ASTN2: variants seen among roughly 807,000 people sequenced by gnomAD.
ASTN2 encodes the protein astrotactin-2.
A neutral mutation model predicts 139.8 loss-of-function variants in ASTN2; 54 were observed. The observed-to-expected ratio is 0.39, with a 90% CI of 0.31 to 0.48. The LOEUF (loss-of-function observed/expected upper bound fraction) is 0.48. ASTN2 is among the 20% of genes least tolerant of loss of function. ASTN2 has a pLI of 0.95. For missense variants in ASTN2, 1,565 were observed against 1,725.1 expected, an observed-to-expected ratio of 0.91 and a Z score of 1.64; for synonymous variants, 756 against 719.5, an observed-to-expected ratio of 1.05 and a Z score of -0.81.
chr9:116,788,442 G>GAAGTAGTAT (rs1830438294), intron 13 of ASTN2, among the ~76,000 whole-genome samples: 1 of 152,022 alleles, frequency 6.6e-6, no homozygotes, highest in African/African-American at 2.4e-5. Flanking sequence ...TAAATATATA[G>GAAGTAGTAT]AAGTAGTATT....
At chr9:116,636,273 A>C (rs1028571068) in intron 17 of ASTN2, among the ~76,000 whole-genome samples, 2 of 152,238 alleles carry the variant, frequency 1.3e-5, no homozygotes, top group African/African-American at 4.8e-5. Context: ...ATAAGTCTAA[A>C]AGTCTGGAAG....
At chr9:116,548,139 G>C (rs768873596) in intron 19 of ASTN2, among the ~76,000 whole-genome samples, 3 of 152,196 alleles carry the variant, frequency 2.0e-5, no homozygotes, top group African/African-American at 4.8e-5. Flanking sequence ...AGCGATTCCC[G>C]TAAGGCACTG....
Position 117,331,016 on chromosome 9 carries a change from A to G in ASTN2, c.443-39503T>C, listed in dbSNP as rs571445049. ...CCCTGTGTCCTCAGCAGTGTCCTGCAGCATGCAACACCTAAGACAGAAACA... is the reference window on the plus strand; with the variant it reads ...CCCTGTGTCCTCAGCAGTGTCCTGCGGCATGCAACACCTAAGACAGAAACA... On this transcript the variant is annotated intron_variant, in intron 1 of 22. Coordinates refer to ENST00000313400, the MANE Select transcript of ASTN2 (RefSeq NM_001365068.1). Among the ~76,000 whole-genome samples the G allele has an allele frequency of 9.8e-5, 15 of 152,316 alleles. No individual in the cohort carries two copies. In the South Asian group the frequency reaches 2.7e-3, roughly 27 times the overall value.
chr9:116,555,083 TA>T (rs1052118752), intron 19 of ASTN2, among the ~76,000 whole-genome samples: 11 of 152,202 alleles, frequency 7.2e-5, no homozygotes, highest in Admixed American at 6.5e-4. Context: ...TTAGTTTGTA[TA>T]AAGTGATACC....
rs369069938 is a variant in ASTN2, at chr9:116,828,222, G to A, written c.2041-7439C>T. 1.0e-3 allele frequency among the ~76,000 whole-genome samples: 156 copies of A among 151,816 alleles called. 3 individuals carry two copies. The East Asian group carries it at 0.025, about 24-fold the overall frequency. On this transcript the variant is annotated intron_variant, in intron 11 of 22. Coordinates refer to ENST00000313400, the MANE Select transcript of ASTN2 (RefSeq NM_001365068.1). Reference sequence around the variant, plus strand: ...TGAGGCAGGAGAATTGCTTGAACCCGGGAGGTGGAGGTTGCAGTGAGCCAA... The same window carrying A: ...TGAGGCAGGAGAATTGCTTGAACCCAGGAGGTGGAGGTTGCAGTGAGCCAA...
chr9:117,021,881 G>T (rs1837893474), intron 6 of ASTN2, among the ~76,000 whole-genome samples: 2 of 152,130 alleles, frequency 1.3e-5, no homozygotes, highest in Admixed American at 1.3e-4. Context: ...ATAAATATTA[G>T]CTATTCTTAC....
chr9:117,193,829 G>A (rs1450738919), intron 3 of ASTN2, among the ~76,000 whole-genome samples: 2 of 152,114 alleles, frequency 1.3e-5, no homozygotes, highest in Admixed American at 6.6e-5. Context: ...CACCCTCAAG[G>A]CACAGTCAAA....
intron 3 of ASTN2, among the ~76,000 whole-genome samples, chr9:117,171,917 A>C (rs530485173): frequency 1.3e-5 from 2 of 152,258 alleles, no homozygotes; most frequent in African/African-American, 4.8e-5. Context: ...CATTTTAGTA[A>C]ATTCATATAA....
intron 10 of ASTN2, among the ~76,000 whole-genome samples, chr9:116,928,851 T>G (rs956416682): frequency 1.3e-5 from 2 of 152,184 alleles, no homozygotes; most frequent in Non-Finnish European, 2.9e-5. Flanking sequence ...GAGTTTTTTA[T>G]GCATTTTTCA....
chr9:116,647,320 G>C (rs1377098137), intron 17 of ASTN2, among the ~76,000 whole-genome samples: 1 of 152,178 alleles, frequency 6.6e-6, no homozygotes, highest in Non-Finnish European at 1.5e-5. Flanking sequence ...CGCAGTCTTA[G>C]CATACAGTGG....
chr9:117,003,829 A>G (rs868041503), intron 7 of ASTN2, among the ~76,000 whole-genome samples: 5 of 151,610 alleles, frequency 3.3e-5, no homozygotes, highest in Middle Eastern at 3.4e-3. Context: ...CTTCCTTTTC[A>G]AGGAAAAATA....
chr9:116,842,946 C>G (rs1271050119), intron 11 of ASTN2, among the ~76,000 whole-genome samples: 1 of 152,112 alleles, frequency 6.6e-6, no homozygotes, highest in Non-Finnish European at 1.5e-5. Flanking sequence ...ATCTGGAAAC[C>G]ACTTAGGCAC....
chr9:116,565,388 C>CTCTCTCTCTAT (rs1564120372), intron 19 of ASTN2, among the ~76,000 whole-genome samples: 6 of 34,022 alleles, frequency 1.8e-4, no homozygotes, highest in African/African-American at 5.5e-4. Flanking sequence ...TCTCTCTCTC[C>CTCTCTCTCTAT]ATATATATAT....
At chr9:116,959,272 G>A (rs574198428) in intron 10 of ASTN2, among the ~76,000 whole-genome samples, 7 of 152,194 alleles carry the variant, frequency 4.6e-5, no homozygotes, top group Non-Finnish European at 1.0e-4. Context: ...AAAGTGGCAG[G>A]TGTTGCCTGT....
chr9:116,637,290 A>G (rs1343850582), intron 17 of ASTN2, among the ~76,000 whole-genome samples: 1 of 152,228 alleles, frequency 6.6e-6, no homozygotes, highest in East Asian at 1.9e-4. Context: ...TACTTGAAAG[A>G]CTGTCACTTA....
intron 4 of ASTN2, among the ~76,000 whole-genome samples, chr9:117,136,333 T>C (rs1829950690): frequency 6.6e-6 from 1 of 152,180 alleles, no homozygotes. Flanking sequence ...AAGTGTTAAA[T>C]TAATTAACTG....
At position 116,689,106 on chromosome 9, in the gene ASTN2, T is replaced by C. The variant is rs1271279817; in HGVS notation, c.2806+36665A>G. Among the ~76,000 whole-genome samples, 7 of 152,294 alleles carry C rather than the reference T, an allele frequency of 4.6e-5. No homozygotes were observed. The East Asian group carries it at 1.2e-3, about 25-fold the overall frequency. On this transcript the variant is annotated intron_variant, in intron 16 of 22. Coordinates refer to ENST00000313400, the MANE Select transcript of ASTN2 (RefSeq NM_001365068.1). ...ATTTGACAATGTGTGGGATACGCCC[T>C]TCCCCCCCGCAGTAAGGAATTATCC...
intron 13 of ASTN2, among the ~76,000 whole-genome samples, chr9:116,770,133 G>A (rs913371948): frequency 2.0e-5 from 3 of 150,190 alleles, no homozygotes; most frequent in Non-Finnish European, 3.0e-5. Flanking sequence ...AAAAGCTACC[G>A]CAAGGATAGA....
chr9:117,311,229 G>A (rs1466966767), intron 1 of ASTN2, among the ~76,000 whole-genome samples: 17 of 140,898 alleles, frequency 1.2e-4, no homozygotes, highest in East Asian at 2.1e-4. Context: ...TAGGCTTACA[G>A]AAAAAAAAAA....
Sources: gnomAD v4.1 joint callset for allele counts (sites outside exome capture counted in the v4.1 genomes callset) on GRCh38, gnomAD v4.1.1 for gene constraint, MANE v1.5 for transcripts, NCBI Gene and HGNC (gene_info 2026-07-23, HGNC 2026-07-21) for gene names.